Variants in AHDC1 observed in about 807,000 individuals in gnomAD.
AHDC1 encodes transcription factor Gibbin.
AHDC1 carries 7 observed loss-of-function variants against 87.9 expected under a neutral mutation model. The observed-to-expected ratio is 0.08, with a 90% CI of 0.05 to 0.15. The LOEUF is 0.15. Ranked by LOEUF, AHDC1 falls within the 10% of genes least tolerant of loss-of-function variation. AHDC1 has a pLI of 1.00. For synonymous variants in AHDC1, 1,051 were observed against 1,006.8 expected (o/e 1.04, Z -0.83); for missense variants, 1,841 against 2,253.2 (o/e 0.82, Z 3.70).
rs959566811 is a variant in AHDC1 at position 27,598,428 on chromosome 1, A to G, written c.-629+4969T>C. 6.6e-6 allele frequency among the ~76,000 whole-genome samples: 1 copy of G among 152,142 alleles called. No homozygotes were observed. Among genetic ancestry groups the G allele is most frequent in the Non-Finnish European group, 1.5e-5 (1 of 67,978 alleles). Reference sequence around the variant, plus strand: ...GCCCACCTTCCTCATCCCCTGGCCAATGGAAGAGATGCTGGGATCCAGGAG... The same window carrying G: ...GCCCACCTTCCTCATCCCCTGGCCAGTGGAAGAGATGCTGGGATCCAGGAG... On this transcript the variant is annotated intron_variant, in intron 3 of 8. Coordinates refer to ENST00000673934, the MANE Select transcript of AHDC1 (RefSeq NM_001371928.1). The surrounding 1 kb of genome is among the most constrained non-coding windows in gnomAD (Gnocchi z 4.2).
Position 27,547,877 on chromosome 1 carries a change from C to T in AHDC1, c.4239G>A (p.Arg1413=). The T allele has an allele frequency of 6.4e-7, 1 of 1,552,106 alleles. No homozygotes were observed. Among genetic ancestry groups the T allele is most frequent in the Non-Finnish European group, 8.7e-7 (1 of 1,146,144 alleles). The stretch of plus-strand genomic sequence containing the variant: ...AGGCAGCCAGCTTTGTGGGCGGTGG[C>T]CGCAGCTCTTCCTTGAAGCCCAGTG... ...SPTLGFKEEL[R]PPPTKLAACE... is the part of the protein sequence containing the mutation. Residue 1413 remains arginine, a synonymous_variant, in exon 8 of 9, where the codon CGG becomes CGA. Transcript: ENST00000673934. This position sits in a 1 kb window ranked among gnomAD's most constrained non-coding sequence, Gnocchi z 4.9.
intron 3 of AHDC1, among the ~76,000 whole-genome samples, chr1:27,602,582 G>C (rs2089559972): frequency 6.6e-6 from 1 of 152,236 alleles, no homozygotes; most frequent in East Asian, 1.9e-4. Flanking sequence ...CTCAAGCAGC[G>C]AGCAGAGATT....
rs985370543 is a variant in AHDC1, at chr1:27,563,749, G to A, written c.-628-4866C>T. On this transcript the variant is annotated intron_variant, in intron 3 of 8. Transcript: ENST00000673934. The surrounding 1 kb of genome is among the most constrained non-coding windows in gnomAD (Gnocchi z 6.1). ...ACCTTGGCCTCTGGACACCAGGAGG[G>A]GAGGTGCTGTGGCTTCCCGCCCAGT... Among the ~76,000 whole-genome samples, 2 of 152,200 alleles carry A rather than the reference G, an allele frequency of 1.3e-5. No individual in the cohort carries two copies. The highest frequency in any genetic ancestry group is 2.4e-5 in the African/African-American group (1 of 41,440).
intron 8 of AHDC1, among the ~76,000 whole-genome samples, chr1:27,540,860 T>C (rs1004078760): frequency 5.3e-5 from 8 of 151,354 alleles, no homozygotes; most frequent in Non-Finnish European, 7.4e-5. Flanking sequence ...GGGCCTTGAT[T>C]TTATAGGCAA....
At chr1:27,569,794 T>C (rs1323590894) in intron 3 of AHDC1, among the ~76,000 whole-genome samples, 3 of 152,024 alleles carry the variant, frequency 2.0e-5, no homozygotes, top group Non-Finnish European at 4.4e-5. Context: ...GCCTGGCCTG[T>C]AGCTCTCTCC....
Position 27,560,206 on chromosome 1 carries a change from G to GTA in AHDC1, c.-628-1324_-628-1323insTA, listed in dbSNP as rs993365848. Among the ~76,000 whole-genome samples the GTA allele has an allele frequency of 6.6e-6, 1 of 151,504 alleles. No homozygotes were observed. Among genetic ancestry groups the GTA allele is most frequent in the African/African-American group, 2.4e-5 (1 of 41,188 alleles). On this transcript the variant is annotated intron_variant, in intron 3 of 8. Transcript: ENST00000673934. This position sits in a 1 kb window ranked among gnomAD's most constrained non-coding sequence, Gnocchi z 4.1. ...ACGTTTATTTCTATTCGTTTTGTGTGTGTGTGTGTGTGTGTGTGAGTCTAG... is the reference window on the plus strand; with the variant it reads ...ACGTTTATTTCTATTCGTTTTGTGTGTATGTGTGTGTGTGTGTGTGAGTCTAG...
chr1:27,557,164 C>T (rs1039223609), intron 5 of AHDC1, among the ~76,000 whole-genome samples: 1 of 143,686 alleles, frequency 7.0e-6, no homozygotes, highest in Admixed American at 7.3e-5. Flanking sequence ...GGTGTGTGGG[C>T]GCCACCGCCA....
In AHDC1 at chr1:27,547,029, C is replaced by G. The variant is rs545783203; in HGVS notation, c.*43+232G>C. On this transcript the variant is annotated intron_variant, in intron 8 of 8. Coordinates refer to ENST00000673934, the MANE Select transcript of AHDC1 (RefSeq NM_001371928.1). This position sits in a 1 kb window ranked among gnomAD's most constrained non-coding sequence, Gnocchi z 4.9. ...CTCTGGCCATTTCAATTCACAAGAC[C>G]CCCCCGAACGTTCAAGCCCCCTGCT... Among the ~76,000 whole-genome samples the G allele has an allele frequency of 2.0e-3, 307 of 151,738 alleles. 3 individuals are homozygous for G. Among genetic ancestry groups the G allele is most frequent in the African/African-American group, 6.9e-3 (287 of 41,326 alleles).
chr1:27,596,098 A>AGG (rs1427765901), intron 3 of AHDC1, among the ~76,000 whole-genome samples: 1 of 151,938 alleles, frequency 6.6e-6, no homozygotes, highest in African/African-American at 2.4e-5. Flanking sequence ...GGGAGAATGA[A>AGG]GGGCAGCATC....
chr1:27,535,015 C>T (rs1382733125), intron 8 of AHDC1, 99 bp from the exon 9 acceptor site: 2 of 152,180 alleles, frequency 1.3e-5, no homozygotes, highest in African/African-American at 2.4e-5. Context: ...CCCAGCTCCT[C>T]CCAGGATTCA....
At chr1:27,538,760 C>T (rs556603053) in intron 8 of AHDC1, among the ~76,000 whole-genome samples, 60 of 152,294 alleles carry the variant, frequency 3.9e-4, no homozygotes, top group African/African-American at 1.4e-3. Context: ...AGCAAACCAC[C>T]TGCCTTGGCC....
rs1486860451 is a variant in AHDC1, at chr1:27,558,465, G to A, written c.-385C>T. 9.9e-6 allele frequency: 3 copies of A among 301,964 alleles called. No homozygotes were observed. Among genetic ancestry groups the A allele is most frequent in the Non-Finnish European group, 1.8e-5 (3 of 164,894 alleles). The allele number at this position is 301,964 out of a possible 1,614,324, so 18.7% of individuals were successfully genotyped here. On this transcript the variant is annotated 5_prime_UTR_variant, in exon 5 of 9. Transcript: ENST00000673934. The surrounding 1 kb of genome is among the most constrained non-coding windows in gnomAD (Gnocchi z 5.6). ...CCCAGTTCTCTCAGGTCATCAAGGC[G>A]CAGGGAAGAGTCCTCAGGCTAGGAG...
intron 3 of AHDC1, among the ~76,000 whole-genome samples, chr1:27,569,079 C>A (rs2020456731): frequency 6.9e-6 from 1 of 145,258 alleles, no homozygotes; most frequent in Non-Finnish European, 1.5e-5. Flanking sequence ...CTCACCCCAT[C>A]CCACCCCAAA....
chr1:27,543,806 A>T (rs533328349), intron 8 of AHDC1, among the ~76,000 whole-genome samples: 143 of 152,224 alleles, frequency 9.4e-4, no homozygotes, highest in Middle Eastern at 3.4e-3. Context: ...TTAGCTGGGC[A>T]CAGTGGTGCG....
intron 3 of AHDC1, among the ~76,000 whole-genome samples, chr1:27,603,157 C>T (rs1354436439): frequency 1.5e-4 from 22 of 144,130 alleles, no homozygotes; most frequent in South Asian, 6.7e-4. Context: ...CCCCTCCCCG[C>T]CCCCCCTCCC....
intron 8 of AHDC1, among the ~76,000 whole-genome samples, chr1:27,541,183 C>A (rs1254162353): frequency 6.6e-6 from 1 of 152,048 alleles, no homozygotes; most frequent in African/African-American, 2.4e-5. Context: ...TTGTCAAGAC[C>A]CATTTCCTGC....
intron 3 of AHDC1, among the ~76,000 whole-genome samples, chr1:27,584,401 A>G (rs768722938): frequency 1.3e-5 from 2 of 152,232 alleles, no homozygotes; most frequent in Non-Finnish European, 2.9e-5. Flanking sequence ...CATCAATGCC[A>G]TTATTATTTC....
rs561271829 is a variant in AHDC1 at position 27,579,216 on chromosome 1, T to C, written c.-628-20333A>G. On this transcript the variant is annotated intron_variant, in intron 3 of 8. Coordinates refer to ENST00000673934, the MANE Select transcript of AHDC1 (RefSeq NM_001371928.1). ...TGCCCAACTAACTTTTTAACGTTTT[T>C]GTAGAGACAGGGCCTCACTACGTTG... Among the ~76,000 whole-genome samples the C allele has an allele frequency of 1.7e-4, 26 of 152,078 alleles. No homozygotes were observed. In the South Asian group the frequency reaches 5.4e-3, roughly 32 times the overall value.
In AHDC1 at chr1:27,550,090, C is replaced by A. The variant is rs2019449602; in HGVS notation, c.2026G>T (p.Gly676Cys). ...GCCGCATGGCCCCCACCCCGGCCAC[C>A]AAAACCGCCTGCTTTGCCCCCACGC... ...RRRGGKAGGF[G>C]GRGGGHAAKS... The change falls in exon 8 of 9, where the codon GGT becomes TGT. Residue 676 changes from glycine to cysteine, a missense_variant. Coordinates refer to ENST00000673934, the MANE Select transcript of AHDC1 (RefSeq NM_001371928.1). 1 of 1,609,846 alleles carries A rather than the reference C, an allele frequency of 6.2e-7. No individual in the cohort carries two copies. The highest frequency in any genetic ancestry group is 8.5e-7 in the Non-Finnish European group (1 of 1,178,768).
Sources: gnomAD v4.1 joint callset for allele counts (sites outside exome capture counted in the v4.1 genomes callset) on GRCh38, gnomAD v4.1.1 for gene constraint, Gnocchi (gnomAD v3.1) non-coding constraint, MANE v1.5 for transcripts, NCBI Gene and HGNC (gene_info 2026-07-23, HGNC 2026-07-21) for gene names.